Variants in CCSER1 observed in about 807,000 individuals in gnomAD.
CCSER1 encodes serine-rich coiled-coil domain-containing protein 1.
Under a neutral mutation model 82.0 loss-of-function variants are expected in CCSER1, and 41 were observed. That is an observed-to-expected ratio of 0.50 (90% confidence interval 0.39 to 0.65). The LOEUF (loss-of-function observed/expected upper bound fraction) is 0.65. Ranked by LOEUF, CCSER1 falls within the 30% of genes least tolerant of loss-of-function variation. The pLI is 0.00. For synonymous variants in CCSER1, 414 were observed against 383.9 expected (o/e 1.08, Z -0.92); for missense variants, 1,119 against 1,064.2 (o/e 1.05, Z -0.72).
chr4:90,449,814 A>G (rs543679768), intron 4 of CCSER1, among the ~76,000 whole-genome samples: 5 of 152,322 alleles, frequency 3.3e-5, no homozygotes, highest in Non-Finnish European at 7.4e-5. Context: ...CAGAGAGTGC[A>G]TGGATGCCAG....
intron 8 of CCSER1, among the ~76,000 whole-genome samples, chr4:90,880,247 C>T (rs1721096765): frequency 6.6e-6 from 1 of 152,136 alleles, no homozygotes; most frequent in African/African-American, 2.4e-5. Context: ...TCTTCCCCAA[C>T]CTGGAAACAC....
At chr4:90,221,427 C>T (rs1482977730) in intron 1 of CCSER1, among the ~76,000 whole-genome samples, 1 of 152,084 alleles carries the variant, frequency 6.6e-6, no homozygotes, top group African/African-American at 2.4e-5. Flanking sequence ...TTACAGAGCA[C>T]CTACCATATG....
chr4:91,028,015 A>G (rs1402070395), intron 9 of CCSER1, among the ~76,000 whole-genome samples: 1 of 152,060 alleles, frequency 6.6e-6, no homozygotes, highest in African/African-American at 2.4e-5. Flanking sequence ...GGGGTAAGAG[A>G]AACTACAATA....
chr4:91,494,712 A>C (rs1453546390), intron 10 of CCSER1, among the ~76,000 whole-genome samples: 1 of 151,754 alleles, frequency 6.6e-6, no homozygotes, highest in Non-Finnish European at 1.5e-5. Flanking sequence ...GTAATGCTTA[A>C]TCATTCATTT....
intron 1 of CCSER1, among the ~76,000 whole-genome samples, chr4:90,256,618 G>A (rs926738985): frequency 6.6e-6 from 1 of 152,042 alleles, no homozygotes; most frequent in African/African-American, 2.4e-5. Flanking sequence ...AATACATTAA[G>A]GTTGAGAAAC....
intron 8 of CCSER1, among the ~76,000 whole-genome samples, chr4:90,817,040 A>G (rs1759112348): frequency 6.6e-6 from 1 of 152,146 alleles, no homozygotes; most frequent in African/African-American, 2.4e-5. Flanking sequence ...CACGTGTTAC[A>G]TTACCAAAAT....
chr4:91,244,821 G>A (rs1453495371), intron 10 of CCSER1, among the ~76,000 whole-genome samples: 2 of 152,114 alleles, frequency 1.3e-5, no homozygotes, highest in African/African-American at 4.8e-5. Context: ...GAGAAACAGA[G>A]ATAAATGACC....
chr4:90,852,610 C>T (rs940922702), intron 8 of CCSER1, among the ~76,000 whole-genome samples: 3 of 152,206 alleles, frequency 2.0e-5, no homozygotes, highest in Admixed American at 1.3e-4. Flanking sequence ...CTGGCAACGG[C>T]TCTAACCCTT....
At chr4:90,944,663 TC>T (rs1732020221) in intron 9 of CCSER1, among the ~76,000 whole-genome samples, 1 of 152,192 alleles carries the variant, frequency 6.6e-6, no homozygotes, top group Non-Finnish European at 1.5e-5. Context: ...TGCTCATAAA[TC>T]CATAAATTCT....
intron 5 of CCSER1, among the ~76,000 whole-genome samples, chr4:90,626,322 C>A (rs1228492948): frequency 1.3e-5 from 2 of 151,858 alleles, no homozygotes; most frequent in Non-Finnish European, 2.9e-5. Flanking sequence ...TTCAAAAATT[C>A]GATTATAACT....
intron 10 of CCSER1, among the ~76,000 whole-genome samples, chr4:91,356,204 G>GGTT (rs1436556100): frequency 6.6e-6 from 1 of 152,208 alleles, no homozygotes; most frequent in African/African-American, 2.4e-5. Flanking sequence ...CTACAGTCTG[G>GGTT]GTTAAAACTC....
At chr4:90,286,415 A>T (rs891913045) in intron 1 of CCSER1, among the ~76,000 whole-genome samples, 3 of 152,038 alleles carry the variant, frequency 2.0e-5, no homozygotes, top group African/African-American at 7.2e-5. Flanking sequence ...TCAATAAAGC[A>T]GAAGAACAGT....
intron 4 of CCSER1, among the ~76,000 whole-genome samples, chr4:90,454,229 T>G (rs772869004): frequency 8.0e-4 from 100 of 124,662 alleles, no homozygotes; most frequent in Non-Finnish European, 1.4e-3. Context: ...TTGTTTCATG[T>G]TTTTTTTTTT....
chr4:90,798,607 T>C (rs919828727), intron 7 of CCSER1, among the ~76,000 whole-genome samples: 6 of 152,236 alleles, frequency 3.9e-5, no homozygotes, highest in African/African-American at 1.4e-4. Context: ...CTTTGTGGGC[T>C]TATCTACCTT....
chr4:90,258,586 G>A (rs544493985), intron 1 of CCSER1, among the ~76,000 whole-genome samples: 1 of 152,188 alleles, frequency 6.6e-6, no homozygotes, highest in South Asian at 2.1e-4. Flanking sequence ...GTATAATAAT[G>A]TTAAAATACA....
intron 10 of CCSER1, among the ~76,000 whole-genome samples, chr4:91,506,225 CA>C (rs1759475643): frequency 6.6e-6 from 1 of 152,092 alleles, no homozygotes; most frequent in Non-Finnish European, 1.5e-5. Context: ...TCAGGTTTGT[CA>C]AAGATCAGAT....
intron 10 of CCSER1, among the ~76,000 whole-genome samples, chr4:91,525,652 C>A (rs2110153832): frequency 6.6e-6 from 1 of 152,268 alleles, no homozygotes; most frequent in South Asian, 2.1e-4. Flanking sequence ...GATACCCCCT[C>A]CTGTCATTAG....
intron 3 of CCSER1, among the ~76,000 whole-genome samples, chr4:90,341,681 CTAT>C (rs1741406844): frequency 1.1e-4 from 3 of 27,936 alleles, no homozygotes; most frequent in African/African-American, 9.9e-4. Context: ...GTCAACCTGA[CTAT>C]TAGGCTGTTT....
chr4:90,617,144 T>A (rs1288135929), intron 5 of CCSER1, among the ~76,000 whole-genome samples: 2 of 152,232 alleles, frequency 1.3e-5, no homozygotes, highest in Admixed American at 6.5e-5. Flanking sequence ...ATGTTTCATA[T>A]GTATGAAACA....
Sources: allele counts gnomAD v4.1 joint callset (sites outside exome capture counted in the v4.1 genomes callset), GRCh38; gene constraint gnomAD v4.1.1; transcripts MANE v1.5; gene names NCBI Gene and HGNC (gene_info 2026-07-23, HGNC 2026-07-21).